COL6A1: variants seen among roughly 807,000 people sequenced by gnomAD.
COL6A1 encodes the protein collagen type VI alpha 1 chain.
COL6A1 carries 80 observed loss-of-function variants against 145.6 expected under a neutral mutation model. The ratio of observed to expected loss-of-function variants is 0.55; its 90% CI spans 0.46 to 0.66. The LOEUF (loss-of-function observed/expected upper bound fraction) is 0.66. Among genes scored for constraint, COL6A1 ranks in the 30% least tolerant of loss-of-function variants. COL6A1 has a pLI of 0.00. For missense variants in COL6A1, 1,364 were observed against 1,473.8 expected (o/e 0.93, Z 1.22); for synonymous variants, 638 against 622.8 (o/e 1.02, Z -0.36).
At chr21:46,002,122 T>A in intron 31 of COL6A1, 52 bp downstream of exon 31, 1 of 1,584,550 alleles carries the variant, frequency 6.3e-7, no homozygotes, top group Non-Finnish European at 8.6e-7. Flanking sequence ...CGACCGCTGT[T>A]CCCACGGCAG....
At chr21:45,986,771 T>A (rs547985792) in intron 4 of COL6A1, 86 bp downstream of exon 4, 1 of 1,520,882 alleles carries the variant, frequency 6.6e-7, no homozygotes, top group Non-Finnish European at 8.8e-7. Flanking sequence ...CGTCTTTTGG[T>A]CCTCGGGAGG....
intron 9 of COL6A1, 108 bp downstream of exon 9, chr21:45,989,245 C>A: frequency 1.7e-6 from 2 of 1,207,620 alleles, no homozygotes; most frequent in Non-Finnish European, 2.3e-6. Flanking sequence ...CAAAGTCACA[C>A]TGCCTGTTCC....
Position 46,004,316 on chromosome 21 carries a change from G to C in COL6A1, c.*303G>C, listed in dbSNP as rs556567506. 2.1e-6 allele frequency: 1 copy of C among 484,440 alleles called. No homozygotes were observed. Among genetic ancestry groups the C allele is most frequent in the South Asian group, 2.3e-5 (1 of 42,932 alleles). 30.0% of individuals were successfully genotyped at this position (484,440 alleles called of 1,614,324 possible). ...GCGTCACCTGTGCAGGGCCCTCTGGGGCTCAGCCCTGAGCTGGCCTCACCT... is the reference window on the plus strand; with the variant it reads ...GCGTCACCTGTGCAGGGCCCTCTGGCGCTCAGCCCTGAGCTGGCCTCACCT... On this transcript the variant is annotated 3_prime_UTR_variant, in exon 35 of 35. Transcript: ENST00000361866.
At position 45,988,963 on chromosome 21, in the gene COL6A1, G is replaced by T. The variant is rs539022031; in HGVS notation, c.805-121G>T. On this transcript the variant is annotated intron_variant, in intron 8 of 34. Transcript: ENST00000361866. ...AGGCTGACCAGATGTGATGGGGAAG[G>T]TGCTTTAAAGCCCTTGATCCCTGAA... is the stretch of plus-strand genomic sequence containing the variant. The T allele has an allele frequency of 4.7e-5, 54 of 1,153,692 alleles. No individual in the cohort carries two copies. In the South Asian group the frequency reaches 7.7e-4, roughly 16 times the overall value. 71.5% of individuals were successfully genotyped at this position (1,153,692 alleles called of 1,614,324 possible).
At chr21:45,995,780 C>T (rs961498316) in intron 20 of COL6A1, among the ~76,000 whole-genome samples, 1 of 152,212 alleles carries the variant, frequency 6.6e-6, no homozygotes, top group African/African-American at 2.4e-5. Context: ...GAGACCAGGG[C>T]ACCATGTGAC....
At chr21:45,985,950 G>A (rs2123465099) in intron 3 of COL6A1, among the ~76,000 whole-genome samples, 1 of 152,338 alleles carries the variant, frequency 6.6e-6, no homozygotes, top group East Asian at 1.9e-4. Flanking sequence ...GCCACAGACA[G>A]ACACGACTCC....
intron 13 of COL6A1, 48 bp downstream of exon 13, chr21:45,990,470 G>GGTGGACA (rs1569518233): frequency 1.0e-5 from 5 of 485,148 alleles, no homozygotes; most frequent in African/African-American, 1.0e-4. Flanking sequence ...GGAGGAATGG[G>GGTGGACA]GCGAGATGGG....
At chr21:46,002,953 G>A (rs1009398750) in intron 33 of COL6A1, among the ~76,000 whole-genome samples, 167 bp from the exon 34 acceptor site, 5 of 152,206 alleles carry the variant, frequency 3.3e-5, no homozygotes, top group Admixed American at 3.3e-4. Flanking sequence ...CCCTGTAGGT[G>A]CGCACGGGGC....
intron 3 of COL6A1, 112 bp from the exon 4 acceptor site, chr21:45,986,414 G>C: frequency 9.6e-7 from 1 of 1,044,882 alleles, no homozygotes; most frequent in African/African-American, 1.6e-5. Context: ...GATCAGCAAA[G>C]AGAGGCGGCT....
intron 19 of COL6A1, among the ~76,000 whole-genome samples, chr21:45,993,090 C>T (rs911282378): frequency 2.0e-5 from 3 of 152,258 alleles, no homozygotes; most frequent in African/African-American, 7.2e-5. Flanking sequence ...AGCTTGGGTT[C>T]TTCTTTGGAA....
chr21:45,993,346 G>C (rs948289903), intron 19 of COL6A1, among the ~76,000 whole-genome samples: 25 of 152,220 alleles, frequency 1.6e-4, no homozygotes, highest in African/African-American at 5.8e-4. Flanking sequence ...CCTGTGACTT[G>C]CTGGGAAATC....
At chr21:45,991,155 C>T in intron 15 of COL6A1, 114 bp downstream of exon 15, 1 of 1,188,588 alleles carries the variant, frequency 8.4e-7, no homozygotes, top group East Asian at 2.5e-5. Flanking sequence ...ACCCGTGCGG[C>T]CTCAGAGGGG....
At position 45,987,046 on chromosome 21, in the gene COL6A1, A is replaced by G; in HGVS notation, c.691A>G (p.Thr231Ala). The G allele has an allele frequency of 6.4e-7, 1 of 1,553,338 alleles. No individual in the cohort carries two copies. Among genetic ancestry groups the G allele is most frequent in the Non-Finnish European group, 8.7e-7 (1 of 1,148,760 alleles). The change falls in exon 5 of 35, where the codon ACC becomes GCC. Residue 231 changes from threonine (T) to alanine (A), a missense_variant. Coordinates refer to ENST00000361866, the MANE Select transcript of COL6A1 (RefSeq NM_001848.3). Reference protein sequence around the residue: ...SRDAEEAISQTIDTIVDMIKN... With the variant: ...SRDAEEAISQAIDTIVDMIKN... Reference sequence around the variant, plus strand: ...CGACGCAGAGGAGGCCATCAGCCAGACCATCGACACCATCGTGGACATGAT... The same window carrying G: ...CGACGCAGAGGAGGCCATCAGCCAGGCCATCGACACCATCGTGGACATGAT...
intron 30 of COL6A1, 130 bp from the exon 31 acceptor site, chr21:46,001,829 AGG>A: frequency 1.3e-6 from 1 of 749,254 alleles, no homozygotes; most frequent in Non-Finnish European, 2.3e-6. Context: ...AGCCAATCGC[AGG>A]GGACCCAGGT....
At chr21:45,992,637 C>A in intron 18 of COL6A1, 111 bp from the exon 19 acceptor site, 4 of 1,213,408 alleles carry the variant, frequency 3.3e-6, no homozygotes, top group Non-Finnish European at 4.7e-6. Context: ...GGGGTGGCCC[C>A]TCCCAGGGGT....
At chr21:45,987,478 C>A in intron 6 of COL6A1, 21 bp from the exon 7 acceptor site, 2 of 1,613,102 alleles carry the variant, frequency 1.2e-6, no homozygotes, top group Non-Finnish European at 1.7e-6. Flanking sequence ...ACTGACTCGT[C>A]TCCATGCTTT....
In COL6A1 at chr21:45,994,154, C is replaced by T. The variant is rs1202339754; in HGVS notation, c.1336-13C>T. The T allele has an allele frequency of 7.5e-6, 12 of 1,593,044 alleles. No individual in the cohort carries two copies. The highest frequency in any genetic ancestry group is 7.7e-6 in the Non-Finnish European group (9 of 1,170,906). On this transcript the variant is annotated splice_polypyrimidine_tract_variant and intron_variant, in intron 19 of 34. Transcript: ENST00000361866. The surrounding 1 kb of genome is among the most constrained non-coding windows in gnomAD (Gnocchi z 6.8). ...ATGGCCCAGCTCCACACTCACGGCT[C>T]GTTTCTCTTCAGGGTGAAGCTGGCC...
At chr21:45,998,328 G>T in intron 23 of COL6A1, 70 bp from the exon 24 acceptor site, 5 of 1,603,780 alleles carry the variant, frequency 3.1e-6, no homozygotes, top group Non-Finnish European at 4.3e-6. Context: ...AGGCCCTTCC[G>T]CTGTGCGCCC....
At chr21:45,998,524 G>T in intron 24 of COL6A1, 91 bp downstream of exon 24, 1 of 1,566,208 alleles carries the variant, frequency 6.4e-7, no homozygotes. Context: ...GTGCACACAG[G>T]CTCCCGAGCA....
Sources: gnomAD v4.1 joint callset for allele counts (sites outside exome capture counted in the v4.1 genomes callset) on GRCh38, gnomAD v4.1.1 for gene constraint, Gnocchi (gnomAD v3.1) non-coding constraint, MANE v1.5 for transcripts, NCBI Gene and HGNC (gene_info 2026-07-23, HGNC 2026-07-21) for gene names.